Variants in ELP2 observed in about 807,000 individuals in gnomAD.
ELP2 encodes elongator acetyltransferase complex subunit 2, also known as elongator complex protein 2.
ELP2 carries 90 observed loss-of-function variants against 119.2 expected under a neutral mutation model. The observed-to-expected ratio is 0.75, with a 90% confidence interval of 0.64 to 0.90. The LOEUF is 0.90. Among genes scored for constraint, ELP2 ranks in the 40% least tolerant of loss-of-function variants. ELP2 has a pLI of 0.00. For missense variants in ELP2, 921 were observed against 967.8 expected, an observed-to-expected ratio of 0.95 and a Z score of 0.64; for synonymous variants, 339 against 331.0, an observed-to-expected ratio of 1.02 and a Z score of -0.26.
intron 11 of ELP2, among the ~76,000 whole-genome samples, chr18:36,149,296 A>G (rs1001641274): frequency 6.6e-6 from 1 of 152,300 alleles, no homozygotes; most frequent in East Asian, 1.9e-4. Context: ...TACTACGTTC[A>G]GACAGGATAA....
intron 20 of ELP2, chr18:36,170,829 G>T (rs2091057134): frequency 5.2e-6 from 3 of 576,572 alleles, no homozygotes; most frequent in Non-Finnish European, 9.3e-6. Flanking sequence ...CATGGGCCTT[G>T]CCAGCAGAGG....
intron 5 of ELP2, among the ~76,000 whole-genome samples, chr18:36,140,188 CAG>C (rs1391965888): frequency 1.3e-5 from 2 of 152,062 alleles, no homozygotes; most frequent in East Asian, 3.9e-4. Flanking sequence ...TTTTTTGACA[CAG>C]GGTCTCATTC....
intron 4 of ELP2, 28 bp from the exon 5 acceptor site, chr18:36,138,767 G>A (rs1289659088): frequency 1.3e-6 from 2 of 1,575,098 alleles, no homozygotes; most frequent in Non-Finnish European, 1.7e-6. Flanking sequence ...GTAGTTAGTT[G>A]TTCATTGTGT....
chr18:36,134,632 A>G (rs938105043), intron 2 of ELP2, among the ~76,000 whole-genome samples: 1 of 152,208 alleles, frequency 6.6e-6, no homozygotes, highest in Admixed American at 6.5e-5. Flanking sequence ...CATATAATCA[A>G]AAGCTTTTTG....
intron 1 of ELP2, 94 bp downstream of exon 1, chr18:36,130,165 A>G: frequency 1.3e-6 from 2 of 1,546,432 alleles, no homozygotes; most frequent in Non-Finnish European, 1.8e-6. Flanking sequence ...CCCCAGACCT[A>G]GGAGGCGAGT....
chr18:36,178,546 T>C lies in ELP2; in HGVS notation c.*3905T>C, dbSNP rs537302953. ...AAATGTGCTTAAGGGACAAAGCAAATTTGAACTCTGGCTGGATATTTGATG... is the reference window on the plus strand; with the variant it reads ...AAATGTGCTTAAGGGACAAAGCAAACTTGAACTCTGGCTGGATATTTGATG... On this transcript the variant is annotated 3_prime_UTR_variant, in exon 22 of 22. Coordinates refer to ENST00000358232, the MANE Select transcript of ELP2 (RefSeq NM_018255.4). 6.6e-6 allele frequency: 1 copy of C among 152,224 alleles called. No homozygotes were observed. The highest frequency in any genetic ancestry group is 2.1e-4 in the South Asian group (1 of 4,820). 9.4% of individuals were successfully genotyped at this position (152,224 alleles called of 1,614,324 possible). A position where few individuals can be genotyped will look rare whatever the true frequency, so the allele number is the denominator to read the frequency against.
intron 11 of ELP2, among the ~76,000 whole-genome samples, chr18:36,154,158 A>G (rs904358390): frequency 6.7e-6 from 1 of 149,290 alleles, no homozygotes; most frequent in South Asian, 2.1e-4. Context: ...AGCTATTTAT[A>G]CACATTTAAT....
intron 11 of ELP2, among the ~76,000 whole-genome samples, chr18:36,147,328 C>G (rs1472083008): frequency 6.6e-6 from 1 of 152,136 alleles, no homozygotes. Context: ...CCTCCCGCCT[C>G]AGTCTCCCAA....
At chr18:36,148,753 G>A (rs943482338) in intron 11 of ELP2, among the ~76,000 whole-genome samples, 3 of 152,168 alleles carry the variant, frequency 2.0e-5, no homozygotes, top group Admixed American at 1.3e-4. Flanking sequence ...GCAGGCGCCT[G>A]TGGTCGCAGC....
At chr18:36,158,932 A>G in intron 14 of ELP2, 28 bp downstream of exon 14, 1 of 1,502,056 alleles carries the variant, frequency 6.7e-7, no homozygotes, top group Non-Finnish European at 9.3e-7. Context: ...AAAATTATTA[A>G]ACCCATAGTG....
In ELP2 at chr18:36,130,041, G is replaced by A. The variant is rs780796756; in HGVS notation, c.108G>A (p.Thr36=). The A allele has an allele frequency of 2.5e-6, 4 of 1,614,176 alleles. No individual in the cohort carries two copies. The East Asian group carries it at 8.9e-5, about 36-fold the overall frequency. ...SGPRGLLAFG[T]SCSVVLYDPL... Reference sequence around the variant, plus strand: ...CCAGAGGACTTCTGGCCTTTGGCACGTCCTGCTCCGTGGTGCTCTATGACC... The same window carrying A: ...CCAGAGGACTTCTGGCCTTTGGCACATCCTGCTCCGTGGTGCTCTATGACC... Residue 36 remains threonine (T), a synonymous_variant, in exon 1 of 22, where the codon ACG becomes ACA. Transcript: ENST00000358232.
chr18:36,132,113 T>C lies in ELP2; in HGVS notation c.139-1125T>C, dbSNP rs1039934344. On this transcript the variant is annotated intron_variant, in intron 1 of 21. Coordinates refer to ENST00000358232, the MANE Select transcript of ELP2 (RefSeq NM_018255.4). ...TTTAGTAGAGACAGGTTTTACCACA[T>C]TGGCCAGGCTGGTCTCCAACTCCTG... 3.3e-5 allele frequency among the ~76,000 whole-genome samples: 5 copies of C among 152,168 alleles called. No individual in the cohort carries two copies. In the East Asian group the frequency reaches 9.7e-4, roughly 29 times the overall value.
chr18:36,159,980 T>C lies in ELP2; in HGVS notation c.1653T>C (p.Leu551=). ...TAGAGCCTCCCACTGAGGATCATCT[T>C]CTGCAGAATACTTTGTGGCCTGAAG... The part of the protein sequence containing the change: ...ILTEPPTEDH[L]LQNTLWPEVQ... Residue 551 remains leucine (L), a synonymous_variant, in exon 16 of 22, where the codon CTT becomes CTC. Transcript: ENST00000358232. 1 of 1,614,144 alleles carries C rather than the reference T, an allele frequency of 6.2e-7. No homozygotes were observed. The highest frequency in any genetic ancestry group is 8.5e-7 in the Non-Finnish European group (1 of 1,180,024).
intron 1 of ELP2, among the ~76,000 whole-genome samples, chr18:36,131,137 G>A (rs1322980269): frequency 1.3e-5 from 2 of 152,074 alleles, no homozygotes. Flanking sequence ...TCGCACCACT[G>A]GACTCCAGCC....
At chr18:36,149,483 GTTTTGTT>G (rs1451380197) in intron 11 of ELP2, among the ~76,000 whole-genome samples, 1 of 101,816 alleles carries the variant, frequency 9.8e-6, no homozygotes, top group Admixed American at 1.3e-4. Context: ...TTTTTGTTTT[GTTTTGTT>G]TTTTTTTTTT....
At chr18:36,157,361 A>G (rs2090604528) in intron 13 of ELP2, among the ~76,000 whole-genome samples, 1 of 152,164 alleles carries the variant, frequency 6.6e-6, no homozygotes, top group Admixed American at 6.5e-5. Flanking sequence ...AAGGATAAGT[A>G]CCCTTTTGAT....
chr18:36,150,671 C>T (rs1410239712), intron 11 of ELP2, among the ~76,000 whole-genome samples: 4 of 152,184 alleles, frequency 2.6e-5, no homozygotes, highest in African/African-American at 7.2e-5. Context: ...TTCTACCCTG[C>T]ATTGTGTGGT....
chr18:36,130,217 A>G lies in ELP2; in HGVS notation c.138+146A>G, dbSNP rs566952672. 13 of 1,020,318 alleles carry G rather than the reference A, an allele frequency of 1.3e-5. No individual in the cohort carries two copies. The African/African-American group carries it at 1.7e-4, about 14-fold the overall frequency. The allele number at this position is 1,020,318 out of a possible 1,614,324, so 63.2% of individuals were successfully genotyped here. A position where few individuals can be genotyped will look rare whatever the true frequency, so the allele number is the denominator to read the frequency against. ...AGCGGGGTTTGGGCTCGGAGTCTCC[A>G]GTGGACCTGCCGGACTCGCTCCTCA... On this transcript the variant is annotated intron_variant, in intron 1 of 21. Transcript: ENST00000358232.
chr18:36,174,585 A>G lies in ELP2; in HGVS notation c.2425A>G (p.Ser809Gly). ...AEGAEWLHFA[S>G]CGEDHTVKIH... ...AGGTGCTGAGTGGTTACACTTTGCA[A>G]GCTGTGGTGAAGATCACACTGTGAA... Residue 809 changes from serine to glycine, a missense_variant, in exon 22 of 22, where the codon AGC becomes GGC. By Grantham distance (56) the Ser-to-Gly change is moderately conservative (BLOSUM62 0). Coordinates refer to ENST00000358232, the MANE Select transcript of ELP2 (RefSeq NM_018255.4). 6.2e-7 allele frequency: 1 copy of G among 1,614,188 alleles called. No individual in the cohort carries two copies. The highest frequency in any genetic ancestry group is 8.5e-7 in the Non-Finnish European group (1 of 1,179,990).
Sources: gnomAD v4.1 joint callset for allele counts (sites outside exome capture counted in the v4.1 genomes callset) on GRCh38, gnomAD v4.1.1 for gene constraint, MANE v1.5 for transcripts, NCBI Gene and HGNC (gene_info 2026-07-23, HGNC 2026-07-21) for gene names.